DTNBP1: variants seen among roughly 807,000 people sequenced by gnomAD.
The protein encoded by DTNBP1 is dystrobrevin binding protein 1, also known as dysbindin.
In DTNBP1, 35 loss-of-function variants were observed where a neutral mutation model predicts 42.8. That is an observed-to-expected ratio of 0.82 (90% CI 0.63 to 1.09). DTNBP1 has a LOEUF of 1.09. Among genes scored for constraint, DTNBP1 ranks in the 50% least tolerant of loss-of-function variants. The probability of loss-of-function intolerance (pLI) is 0.00; values close to 1 mark genes in which losing one functional copy is unlikely to be tolerated. For synonymous variants in DTNBP1, 171 were observed against 162.2 expected, an observed-to-expected ratio of 1.05 and a Z score of -0.41; for missense variants, 457 against 424.2, an observed-to-expected ratio of 1.08 and a Z score of -0.68.
chr6:15,587,943 G>C lies in DTNBP1; in HGVS notation c.511+5116C>G, dbSNP rs1478598936. ...AAACAGTTCAGCAGTTTCTCAAAAAGTTAAACACAAACTTGTCATACAATC... is the reference window on the plus strand; with the variant it reads ...AAACAGTTCAGCAGTTTCTCAAAAACTTAAACACAAACTTGTCATACAATC... On this transcript the variant is annotated intron_variant, in intron 7 of 9. Transcript: ENST00000344537. This position sits in a 1 kb window ranked among gnomAD's most constrained non-coding sequence, Gnocchi z 4.1. Among the ~76,000 whole-genome samples, 1 of 152,082 alleles carries C rather than the reference G, an allele frequency of 6.6e-6. No individual in the cohort carries two copies. The highest frequency in any genetic ancestry group is 1.5e-5 in the Non-Finnish European group (1 of 68,016).
intron 4 of DTNBP1, among the ~76,000 whole-genome samples, chr6:15,631,444 GCTC>G (rs1352590126): frequency 1.3e-5 from 2 of 151,792 alleles, no homozygotes; most frequent in African/African-American, 4.8e-5. Context: ...TGTTGTTAAA[GCTC>G]CTCTATAGGA....
chr6:15,523,458 A>G (rs1440626841), intron 9 of DTNBP1: 4 of 1,302,020 alleles, frequency 3.1e-6, no homozygotes, highest in Middle Eastern at 3.0e-4. Flanking sequence ...CATGTGACAC[A>G]GATCAAGTGC....
At chr6:15,613,254 GATCATGCC>G (rs1758517135) in intron 6 of DTNBP1, among the ~76,000 whole-genome samples, 1 of 141,016 alleles carries the variant, frequency 7.1e-6, no homozygotes, top group South Asian at 2.3e-4. Context: ...AGTGAGCCGA[GATCATGCC>G]ATTGCACTCC....
intron 1 of DTNBP1, among the ~76,000 whole-genome samples, chr6:15,659,120 G>A (rs1761445350): frequency 6.6e-6 from 1 of 152,184 alleles, no homozygotes; most frequent in African/African-American, 2.4e-5. Context: ...AAGTTTGAAT[G>A]GAATGTAGAA....
intron 8 of DTNBP1, among the ~76,000 whole-genome samples, chr6:15,532,933 G>A (rs1317658050): frequency 2.6e-5 from 4 of 151,914 alleles, no homozygotes; most frequent in East Asian, 1.9e-4. Context: ...TCCTGACCTC[G>A]GGTGATCTGC....
chr6:15,554,892 G>GA (rs1345743775), intron 7 of DTNBP1, among the ~76,000 whole-genome samples: 1 of 151,840 alleles, frequency 6.6e-6, no homozygotes. Flanking sequence ...TCTCTTATGG[G>GA]AAAAAATGCT....
At chr6:15,551,370 G>C (rs934307896) in intron 7 of DTNBP1, among the ~76,000 whole-genome samples, 1 of 152,078 alleles carries the variant, frequency 6.6e-6, no homozygotes, top group Non-Finnish European at 1.5e-5. Flanking sequence ...ACAACCTTAC[G>C]CTCAGTAAAG....
chr6:15,588,176 G>C (rs1239805845), intron 7 of DTNBP1, among the ~76,000 whole-genome samples: 1 of 152,152 alleles, frequency 6.6e-6, no homozygotes, highest in Admixed American at 6.5e-5. Flanking sequence ...GAACAATATA[G>C]TGACTTTTTA....
At chr6:15,636,551 A>C (rs1760034575) in intron 4 of DTNBP1, among the ~76,000 whole-genome samples, 1 of 152,186 alleles carries the variant, frequency 6.6e-6, no homozygotes, top group Non-Finnish European at 1.5e-5. Flanking sequence ...ACAAATCAAG[A>C]AACGAGGCTA....
chr6:15,556,392 G>A (rs1183772504), intron 7 of DTNBP1, among the ~76,000 whole-genome samples: 4 of 152,084 alleles, frequency 2.6e-5, no homozygotes, highest in African/African-American at 9.7e-5. Flanking sequence ...ATGTTGGCCA[G>A]GCTGGTATTG....
At chr6:15,575,985 C>T (rs751668153) in intron 7 of DTNBP1, among the ~76,000 whole-genome samples, 1 of 152,298 alleles carries the variant, frequency 6.6e-6, no homozygotes, top group African/African-American at 2.4e-5. Context: ...ACAAGTATGG[C>T]CCTCGGGATG....
In DTNBP1 at chr6:15,627,430, T is replaced by C; in HGVS notation, c.268A>G (p.Lys90Glu). The change falls in exon 5 of 10, where the codon AAA becomes GAA. Residue 90 changes from lysine (K) to glutamate (E), a missense_variant. Physicochemically the swap from Lys to Glu is moderately conservative, Grantham distance 56 (BLOSUM62 1). Transcript: ENST00000344537. Reference sequence around the variant, plus strand: ...TGCAGCTCCACGAGGCTTGTCTTTTTCTTCTCCCAGTGCGCAGAAAGCATG... The same window carrying C: ...TGCAGCTCCACGAGGCTTGTCTTTTCCTTCTCCCAGTGCGCAGAAAGCATG... ...VVMLSAHWEKKKTSLVELQEQ... is the reference protein window; with the variant it reads ...VVMLSAHWEKEKTSLVELQEQ... 1 of 1,614,078 alleles carries C rather than the reference T, an allele frequency of 6.2e-7. No individual in the cohort carries two copies. Among genetic ancestry groups the C allele is most frequent in the Non-Finnish European group, 8.5e-7 (1 of 1,179,990 alleles).
At chr6:15,537,002 G>A (rs113671405) in intron 7 of DTNBP1, among the ~76,000 whole-genome samples, 6,358 of 152,288 alleles carry the variant, frequency 0.042, 175 homozygotes, top group African/African-American at 0.063. Context: ...TCTCCCATTT[G>A]GAATGGGAAC....
chr6:15,615,421 C>T (rs1758659978), intron 5 of DTNBP1, 22 bp from the exon 6 acceptor site: 2 of 1,613,054 alleles, frequency 1.2e-6, no homozygotes, highest in African/African-American at 1.3e-5. Context: ...TAAAAATAAA[C>T]AGACCTCAAA....
intron 7 of DTNBP1, among the ~76,000 whole-genome samples, chr6:15,573,728 C>A (rs1032937291): frequency 1.3e-5 from 2 of 152,052 alleles, no homozygotes; most frequent in Non-Finnish European, 2.9e-5. Flanking sequence ...TTTTTTGAGA[C>A]AAGGAGTCTT....
intron 6 of DTNBP1, among the ~76,000 whole-genome samples, chr6:15,614,464 G>A (rs756044043): frequency 9.2e-5 from 14 of 152,016 alleles, no homozygotes; most frequent in South Asian, 2.1e-4. Flanking sequence ...AGCAAAGCCC[G>A]CCTCCAGCTT....
chr6:15,557,366 G>T (rs755173612), intron 7 of DTNBP1, among the ~76,000 whole-genome samples: 2 of 151,016 alleles, frequency 1.3e-5, no homozygotes, highest in Non-Finnish European at 2.9e-5. Flanking sequence ...TCTTGTAAAA[G>T]AAATTCTGTG....
intron 6 of DTNBP1, among the ~76,000 whole-genome samples, chr6:15,596,173 T>C (rs1233630341): frequency 6.6e-6 from 1 of 152,048 alleles, no homozygotes; most frequent in Non-Finnish European, 1.5e-5. Flanking sequence ...TCTGACTCAA[T>C]GGGGTAAGGA....
intron 7 of DTNBP1, among the ~76,000 whole-genome samples, chr6:15,562,462 G>A (rs1010829302): frequency 2.0e-5 from 3 of 152,280 alleles, no homozygotes; most frequent in Middle Eastern, 3.4e-3. Flanking sequence ...CATAATAAAT[G>A]TTTTAGTTTT....
Sources: gnomAD v4.1 joint callset for allele counts (sites outside exome capture counted in the v4.1 genomes callset) on GRCh38, gnomAD v4.1.1 for gene constraint, Gnocchi (gnomAD v3.1) non-coding constraint, MANE v1.5 for transcripts, NCBI Gene and HGNC (gene_info 2026-07-23, HGNC 2026-07-21) for gene names.